NTRK1: variants seen among roughly 807,000 people sequenced by gnomAD.
The protein encoded by NTRK1 is high affinity nerve growth factor receptor.
NTRK1 carries 62 observed loss-of-function variants against 86.8 expected under a neutral mutation model. That is an observed-to-expected ratio of 0.71 (90% CI 0.58 to 0.88). The LOEUF is 0.88. NTRK1 is among the 40% of genes least tolerant of loss of function. The pLI, the probability that NTRK1 is intolerant of heterozygous loss-of-function variation, is 0.00. For synonymous variants in NTRK1, 469 were observed against 456.6 expected (o/e 1.03, Z -0.35); for missense variants, 967 against 1,078.4 (o/e 0.90, Z 1.45).
At chr1:156,843,470 G>C (rs755706109) in intron 2 of NTRK1, 7 of 1,614,056 alleles carry the variant, frequency 4.3e-6, no homozygotes, top group African/African-American at 2.7e-5. Flanking sequence ...AAGCATACAG[G>C]GTTCTGTTTC....
chr1:156,830,127 C>T (rs556501756), intron 1 of NTRK1, among the ~76,000 whole-genome samples: 13 of 152,372 alleles, frequency 8.5e-5, no homozygotes, highest in African/African-American at 2.4e-4. Flanking sequence ...AAGGCCTGAA[C>T]GCTGCTTTGC....
chr1:156,868,371 G>A, intron 5 of NTRK1, 122 bp downstream of exon 5: 1 of 1,533,520 alleles, frequency 6.5e-7, no homozygotes, highest in Middle Eastern at 2.3e-4. Flanking sequence ...AAGGCTGGGG[G>A]AAACTGCCTG....
At position 156,827,259 on chromosome 1, in the gene NTRK1, T is replaced by A. The variant is rs1351896414; in HGVS notation, c.-64+11421T>A. ...ACCACACCCAATTAATTTTTATTTT[T>A]TTATTTTTTTATTTTTTTTTGAGAC... On this transcript the variant is annotated intron_variant, in intron 1 of 16. Transcript: ENST00000392302. 6.3e-5 allele frequency among the ~76,000 whole-genome samples: 3 copies of A among 47,660 alleles called. No individual in the cohort carries two copies. The East Asian group carries it at 2.8e-3, about 45-fold the overall frequency. The allele number at this position is 47,660 out of a possible 152,430, so 31.3% of individuals were successfully genotyped here.
intron 6 of NTRK1, among the ~76,000 whole-genome samples, chr1:156,869,018 C>CCTT (rs148489988): frequency 0.16 from 7,137 of 43,480 alleles, 1,105 homozygotes; most frequent in Middle Eastern, 0.21. Flanking sequence ...TTTTCTCTCT[C>CCTT]CCTTCCTTCC....
chr1:156,846,202 T>C (rs1050940169), intron 2 of NTRK1: 13 of 1,378,148 alleles, frequency 9.4e-6, no homozygotes, highest in African/African-American at 1.4e-5. Flanking sequence ...CTTTCTGGGG[T>C]CCAACAGCCT....
At position 156,876,484 on chromosome 1, in the gene NTRK1, G is replaced by A. The variant is rs755016431; in HGVS notation, c.1717G>A (p.Val573Met). Residue 573 changes from valine to methionine, a missense_variant, in exon 14 of 17, where the codon GTG becomes ATG. By Grantham distance (21) the Val-to-Met change is conservative (BLOSUM62 1). This residue lies in a region of NTRK1 where 637 missense variants were observed against 776.5 expected (regional missense o/e 0.82). Coordinates refer to ENST00000524377, the MANE Select transcript of NTRK1 (RefSeq NM_002529.4). ...CACCATGCTGCAGCACCAGCACATC[G>A]TGCGCTTCTTCGGCGTCTGCACCGA... ...LLTMLQHQHIVRFFGVCTEGR... is the reference protein window; with the variant it reads ...LLTMLQHQHIMRFFGVCTEGR... 53 of 1,613,726 alleles carry A rather than the reference G, an allele frequency of 3.3e-5. No homozygotes were observed. The highest frequency in any genetic ancestry group is 4.5e-5 in the Non-Finnish European group (53 of 1,180,040).
At chr1:156,866,847 T>G in intron 3 of NTRK1, 63 bp from the exon 4 acceptor site, 1 of 1,527,422 alleles carries the variant, frequency 6.5e-7, no homozygotes, top group Non-Finnish European at 9.1e-7. Flanking sequence ...CCCTCCCTCA[T>G]TCTGGTCAGA....
chr1:156,830,934 C>T (rs1341783431), intron 1 of NTRK1, among the ~76,000 whole-genome samples: 1 of 152,190 alleles, frequency 6.6e-6, no homozygotes, highest in Non-Finnish European at 1.5e-5. Flanking sequence ...TTCTACCAGC[C>T]CCCAGAATCC....
intron 3 of NTRK1, chr1:156,865,123 T>A (rs928779225): frequency 2.5e-6 from 1 of 395,428 alleles, no homozygotes; most frequent in African/African-American, 2.1e-5. Flanking sequence ...GCAGGACTCC[T>A]GGGTTCTGGC....
chr1:156,816,269 C>T (rs971305991), intron 1 of NTRK1: 29 of 629,304 alleles, frequency 4.6e-5, no homozygotes, highest in Admixed American at 2.5e-4. Flanking sequence ...GTAGCCAAGG[C>T]GGCATGGGGG....
upstream of NTRK1, among the ~76,000 whole-genome samples, chr1:156,858,187 C>T (rs998392872): frequency 6.6e-6 from 1 of 152,200 alleles, no homozygotes. Context: ...CCTATCCCAC[C>T]CCTGCCTCTT....
chr1:156,865,555 T>TA (rs1655891976), intron 3 of NTRK1, among the ~76,000 whole-genome samples: 2 of 152,162 alleles, frequency 1.3e-5, no homozygotes, highest in Non-Finnish European at 2.9e-5. Flanking sequence ...TTTGCCCTGT[T>TA]TATAGCCCCT....
In NTRK1 at chr1:156,875,639, G is replaced by T; in HGVS notation, c.1474G>T (p.Glu492Ter). The T allele has an allele frequency of 6.2e-7, 1 of 1,613,382 alleles. No individual in the cohort carries two copies. The highest frequency in any genetic ancestry group is 8.5e-7 in the Non-Finnish European group (1 of 1,179,960). The change falls in exon 12 of 17, where the codon GAG becomes TAG. Residue 492 changes from glutamate to a stop codon, truncating the protein, a stop_gained. Coordinates refer to ENST00000524377, the MANE Select transcript of NTRK1 (RefSeq NM_002529.4). LOFTEE classifies it high-confidence loss of function. ...CTCTGGGCTCCAAGGCCACATCATC[G>T]AGAACCCACAATACTTCAGTGATGC... ...KGSGLQGHII[E>*]NPQYFSDACV...
chr1:156,822,970 A>G (rs958393771), intron 1 of NTRK1, among the ~76,000 whole-genome samples: 1 of 152,218 alleles, frequency 6.6e-6, no homozygotes, highest in African/African-American at 2.4e-5. Flanking sequence ...CCCAGCCAGT[A>G]TAGGAACTTC....
chr1:156,838,036 G>C (rs1193878197), intron 1 of NTRK1, among the ~76,000 whole-genome samples: 1 of 152,122 alleles, frequency 6.6e-6, no homozygotes, highest in Non-Finnish European at 1.5e-5. Flanking sequence ...CCAGAGCCTA[G>C]AGGAAGAATA....
intron 6 of NTRK1, among the ~76,000 whole-genome samples, chr1:156,869,025 TTCCTTCCTTCC>T: frequency 7.5e-5 from 3 of 39,826 alleles, no homozygotes; most frequent in Non-Finnish European, 2.0e-4. Context: ...TCTCCCTTCC[TTCCTTCCTTCC>T]TTCCTTCCTT....
Position 156,854,845 on chromosome 1 carries a change from A to G in NTRK1, c.51-9509A>G, listed in dbSNP as rs1469724524. On this transcript the variant is annotated intron_variant, in intron 2 of 16. Transcript: ENST00000392302. The surrounding 1 kb of genome is among the most constrained non-coding windows in gnomAD (Gnocchi z 4.2). The stretch of plus-strand genomic sequence containing the variant: ...TGCAGCCAGAGTGATCTCAAAACAC[A>G]GATGGATCACGTTTCTCCTCTGCTT... Among the ~76,000 whole-genome samples, 1 of 152,088 alleles carries G rather than the reference A, an allele frequency of 6.6e-6. No individual in the cohort carries two copies. The highest frequency in any genetic ancestry group is 1.5e-5 in the Non-Finnish European group (1 of 68,016).
chr1:156,869,800 C>T (rs1036016437), intron 6 of NTRK1, among the ~76,000 whole-genome samples: 5 of 152,230 alleles, frequency 3.3e-5, no homozygotes, highest in Admixed American at 2.6e-4. Flanking sequence ...ACTCAGTCGG[C>T]CTTGTTGACG....
chr1:156,864,524 A>G (rs1376473438), intron 2 of NTRK1, 96 bp downstream of exon 2: 1 of 1,343,072 alleles, frequency 7.4e-7, no homozygotes, highest in East Asian at 2.3e-5. Context: ...GCCTGGGAGG[A>G]CCTGAGAGGC....
Sources: allele counts gnomAD v4.1 joint callset (sites outside exome capture counted in the v4.1 genomes callset), GRCh38; gene constraint gnomAD v4.1.1; regional missense constraint gnomAD v4.1.1; non-coding constraint Gnocchi (gnomAD v3.1); transcripts MANE v1.5; gene names NCBI Gene and HGNC (gene_info 2026-07-23, HGNC 2026-07-21).